The following FSTL5 variants were observed in gnomAD, a reference collection of about 807,000 sequenced individuals.
FSTL5 encodes the protein follistatin-related protein 5.
A neutral mutation model predicts 89.1 loss-of-function variants in FSTL5; 62 were observed. The ratio of observed to expected loss-of-function variants is 0.70; its 90% confidence interval spans 0.57 to 0.86. The LOEUF (loss-of-function observed/expected upper bound fraction) is 0.86, where lower values mean the gene tolerates loss of function less well. Ranked by LOEUF, FSTL5 falls within the 40% of genes least tolerant of loss-of-function variation. The pLI is 0.00. For synonymous variants in FSTL5, 383 were observed against 346.2 expected (o/e 1.11, Z -1.18); for missense variants, 1,057 against 1,001.6 (o/e 1.06, Z -0.75).
intron 4 of FSTL5, among the ~76,000 whole-genome samples, chr4:161,909,031 A>G (rs879298817): frequency 3.9e-5 from 6 of 152,152 alleles, no homozygotes; most frequent in Non-Finnish European, 8.8e-5. Context: ...CTTCCCAAAT[A>G]CCCAGGAAAG....
intron 1 of FSTL5, among the ~76,000 whole-genome samples, chr4:162,130,571 AGG>A (rs932621859): frequency 2.0e-5 from 3 of 152,214 alleles, no homozygotes; most frequent in African/African-American, 7.2e-5. Flanking sequence ...AAGCTGCATT[AGG>A]GCAAAGAAAA....
Position 161,415,859 on chromosome 4 carries a change from G to A in FSTL5, c.1842-29410C>T, listed in dbSNP as rs142535229. ...ATATATATATATATATCATTTCAAA[G>A]CACCAGCTGCTATTTGACATTGTTC... On this transcript the variant is annotated intron_variant, in intron 15 of 15. Transcript: ENST00000306100. Among the ~76,000 whole-genome samples the A allele has an allele frequency of 3.3e-3, 486 of 145,196 alleles. 11 individuals carry two copies. The East Asian group carries it at 0.051, about 15-fold the overall frequency.
chr4:162,123,962 CCAGGCA>C (rs925534651), intron 1 of FSTL5, among the ~76,000 whole-genome samples: 4 of 151,790 alleles, frequency 2.6e-5, no homozygotes, highest in African/African-American at 9.7e-5. Context: ...ATAATGTGTT[CCAGGCA>C]CAGTTACACC....
At chr4:161,475,689 T>C (rs1734111399) in intron 13 of FSTL5, among the ~76,000 whole-genome samples, 1 of 152,156 alleles carries the variant, frequency 6.6e-6, no homozygotes. Flanking sequence ...AAGATAGTTA[T>C]TTTAATGTTT....
intron 2 of FSTL5, among the ~76,000 whole-genome samples, chr4:162,076,031 T>C (rs1729824385): frequency 6.6e-6 from 1 of 151,880 alleles, no homozygotes; most frequent in Non-Finnish European, 1.5e-5. Flanking sequence ...TCTTTCTTAG[T>C]TTCTGTTTCT....
At chr4:162,067,139 G>C (rs1028009409) in intron 2 of FSTL5, among the ~76,000 whole-genome samples, 6 of 152,052 alleles carry the variant, frequency 3.9e-5, no homozygotes, top group Admixed American at 2.0e-4. Flanking sequence ...TGCCCTAAAG[G>C]CTCAAGCAAT....
chr4:161,524,915 G>A (rs756963240), intron 10 of FSTL5, among the ~76,000 whole-genome samples: 4 of 150,140 alleles, frequency 2.7e-5, no homozygotes, highest in South Asian at 2.1e-4. Flanking sequence ...CTGAGATCAC[G>A]CCACTGCACT....
intron 7 of FSTL5, among the ~76,000 whole-genome samples, chr4:161,595,584 G>A (rs1028373235): frequency 3.9e-5 from 6 of 151,962 alleles, no homozygotes; most frequent in Admixed American, 1.3e-4. Context: ...GTAAAATTGC[G>A]AAAATTTTTC....
intron 12 of FSTL5, among the ~76,000 whole-genome samples, chr4:161,484,827 C>A (rs182430094): frequency 4.6e-4 from 70 of 152,222 alleles, no homozygotes; most frequent in African/African-American, 1.6e-3. Context: ...GTAATTTCTG[C>A]CGCATTTAGC....
intron 8 of FSTL5, among the ~76,000 whole-genome samples, chr4:161,569,364 T>C (rs1001097294): frequency 3.9e-5 from 6 of 152,104 alleles, no homozygotes; most frequent in African/African-American, 1.2e-4. Flanking sequence ...CAGAATTACA[T>C]CATGGAAGTT....
chr4:161,900,930 A>C (rs1273150775), intron 4 of FSTL5, among the ~76,000 whole-genome samples: 1 of 152,054 alleles, frequency 6.6e-6, no homozygotes, highest in African/African-American at 2.4e-5. Context: ...CTTTTTTCTT[A>C]TTATTTTTTA....
Position 162,156,313 on chromosome 4 carries a change from C to T in FSTL5, c.-17+7302G>A, listed in dbSNP as rs184872033. Among the ~76,000 whole-genome samples, 50 of 152,222 alleles carry T rather than the reference C, an allele frequency of 3.3e-4. No homozygotes were observed. In the East Asian group the frequency reaches 9.1e-3, roughly 28 times the overall value. On this transcript the variant is annotated intron_variant, in intron 1 of 15. Transcript: ENST00000306100. ...TTGGTGGGAATATAGATTACTTCAG[C>T]CACTGAAGAAAGCAGTTTGGAGATT...
chr4:162,100,559 A>G (rs1272414621), intron 2 of FSTL5, among the ~76,000 whole-genome samples: 1 of 152,204 alleles, frequency 6.6e-6, no homozygotes, highest in South Asian at 2.1e-4. Flanking sequence ...AGGGCGATGA[A>G]ACTATTTTGT....
intron 12 of FSTL5, among the ~76,000 whole-genome samples, chr4:161,491,943 A>G (rs1393390154): frequency 6.6e-6 from 1 of 152,024 alleles, no homozygotes; most frequent in Non-Finnish European, 1.5e-5. Context: ...TGCTGCCAGT[A>G]GTTGCACCCT....
chr4:161,573,037 A>T (rs527848642), intron 8 of FSTL5, among the ~76,000 whole-genome samples: 1 of 152,226 alleles, frequency 6.6e-6, no homozygotes, highest in African/African-American at 2.4e-5. Flanking sequence ...AAGCCCTTAT[A>T]GATGGTCAAA....
At chr4:162,112,712 C>T (rs1041975499) in intron 1 of FSTL5, among the ~76,000 whole-genome samples, 38 of 151,830 alleles carry the variant, frequency 2.5e-4, no homozygotes, top group African/African-American at 6.8e-4. Context: ...CACTCAGTCA[C>T]GCTTCTGACC....
intron 7 of FSTL5, among the ~76,000 whole-genome samples, chr4:161,628,495 A>G (rs979068043): frequency 6.6e-6 from 1 of 152,170 alleles, no homozygotes; most frequent in African/African-American, 2.4e-5. Flanking sequence ...ATGTCTAAAA[A>G]TTAATATATA....
chr4:162,058,574 C>T (rs922653889), intron 2 of FSTL5, among the ~76,000 whole-genome samples: 5 of 151,406 alleles, frequency 3.3e-5, no homozygotes, highest in African/African-American at 4.9e-5. Context: ...ATTACAGGCA[C>T]GCACCACCAT....
chr4:161,845,724 G>C (rs1731345573), intron 4 of FSTL5, among the ~76,000 whole-genome samples: 1 of 152,008 alleles, frequency 6.6e-6, no homozygotes, highest in South Asian at 2.1e-4. Flanking sequence ...GTTATTCTTA[G>C]CTGGTATCTT....
Sources: allele counts gnomAD v4.1 joint callset (sites outside exome capture counted in the v4.1 genomes callset), GRCh38; gene constraint gnomAD v4.1.1; transcripts MANE v1.5; gene names NCBI Gene and HGNC (gene_info 2026-07-23, HGNC 2026-07-21).